Variants in ADGRG7 observed in about 807,000 individuals in gnomAD.
ADGRG7 encodes the protein adhesion G protein-coupled receptor G7, also known as G-protein coupled receptor 128.
Under a neutral mutation model 88.6 loss-of-function variants are expected in ADGRG7, and 82 were observed. The observed-to-expected ratio is 0.93, with a 90% CI of 0.77 to 1.11. The LOEUF is 1.11. Ranked by LOEUF, ADGRG7 falls within the 50% of genes most tolerant of loss-of-function variation. ADGRG7 has a pLI of 0.00. For missense variants in ADGRG7, 945 were observed against 953.4 expected (o/e 0.99, Z 0.12); for synonymous variants, 381 against 345.2 (o/e 1.10, Z -1.15).
Position 100,654,517 on chromosome 3 carries a change from G to A in ADGRG7, c.1380-318G>A, listed in dbSNP as rs190492547. On this transcript the variant is annotated intron_variant, in intron 11 of 15. Coordinates refer to ENST00000273352, the MANE Select transcript of ADGRG7 (RefSeq NM_032787.3). ...GGCCAGGTTACTGTGAAGGGACTACGCAGGGCTACCTACCAGGAAGTAGGG... is the reference window on the plus strand; with the variant it reads ...GGCCAGGTTACTGTGAAGGGACTACACAGGGCTACCTACCAGGAAGTAGGG... The A allele has an allele frequency of 5.8e-4, 134 of 231,886 alleles. 1 individual carries two copies. The highest frequency in any genetic ancestry group is 1.8e-3 in the Admixed American group (35 of 19,388). The allele number at this position is 231,886 out of a possible 1,614,324, so 14.4% of individuals were successfully genotyped here. A position where few individuals can be genotyped will look rare whatever the true frequency, so the allele number is the denominator to read the frequency against.
intron 15 of ADGRG7, among the ~76,000 whole-genome samples, chr3:100,684,389 A>C (rs143209336): frequency 0.037 from 5,689 of 151,776 alleles, 374 homozygotes; most frequent in African/African-American, 0.13. Flanking sequence ...TCAACCTCCC[A>C]AGTAACTGGG....
chr3:100,693,031 G>C (rs1351309651), intron 15 of ADGRG7, among the ~76,000 whole-genome samples: 2 of 152,142 alleles, frequency 1.3e-5, no homozygotes, highest in East Asian at 3.8e-4. Flanking sequence ...GGCACAATTT[G>C]AACTTTGTGT....
intron 15 of ADGRG7, among the ~76,000 whole-genome samples, chr3:100,692,881 A>G (rs911715295): frequency 6.6e-6 from 1 of 152,140 alleles, no homozygotes. Context: ...GAGACTCTTC[A>G]TTTTAAACAA....
At chr3:100,622,522 G>A (rs1158316564) in intron 1 of ADGRG7, among the ~76,000 whole-genome samples, 2 of 151,980 alleles carry the variant, frequency 1.3e-5, no homozygotes, top group African/African-American at 2.4e-5. Flanking sequence ...CTTTTCACTT[G>A]TTTATTGCCC....
At chr3:100,626,561 C>T (rs923698645) in intron 1 of ADGRG7, among the ~76,000 whole-genome samples, 4 of 151,992 alleles carry the variant, frequency 2.6e-5, no homozygotes, top group Non-Finnish European at 2.9e-5. Context: ...CCAAGGTGGG[C>T]GGATCGTGAG....
At chr3:100,629,457 AATG>A (rs1483747333) in intron 1 of ADGRG7, 138 bp from the exon 2 acceptor site, 1 of 566,304 alleles carries the variant, frequency 1.8e-6, no homozygotes, top group East Asian at 3.0e-5. Flanking sequence ...ATATTTTATT[AATG>A]ATGATATTAC....
At chr3:100,632,971 T>A (rs988804259) in intron 3 of ADGRG7, among the ~76,000 whole-genome samples, 9 of 152,180 alleles carry the variant, frequency 5.9e-5, no homozygotes, top group Admixed American at 3.3e-4. Flanking sequence ...ATTTTTCATA[T>A]TGTTTCTAGT....
chr3:100,634,553 T>G (rs553716002), intron 4 of ADGRG7, among the ~76,000 whole-genome samples: 9 of 152,290 alleles, frequency 5.9e-5, no homozygotes, highest in African/African-American at 2.2e-4. Context: ...TGTTCTTTAT[T>G]TTAAAGTTCA....
At chr3:100,632,410 T>G (rs943353479) in intron 3 of ADGRG7, among the ~76,000 whole-genome samples, 1 of 152,188 alleles carries the variant, frequency 6.6e-6, no homozygotes, top group African/African-American at 2.4e-5. Flanking sequence ...TTACTCAATA[T>G]TATATACCAA....
chr3:100,678,363 T>C (rs2094968423), intron 15 of ADGRG7, among the ~76,000 whole-genome samples: 1 of 152,198 alleles, frequency 6.6e-6, no homozygotes, highest in East Asian at 1.9e-4. Context: ...TTGTGCTTCC[T>C]CAAAATAGCT....
intron 2 of ADGRG7, 39 bp downstream of exon 2, chr3:100,629,750 G>A (rs371934429): frequency 1.1e-4 from 141 of 1,325,164 alleles, no homozygotes; most frequent in Non-Finnish European, 1.3e-4. Context: ...TAAGGTTTAC[G>A]TCACTCTTGT....
At chr3:100,627,660 C>T (rs189087674) in intron 1 of ADGRG7, among the ~76,000 whole-genome samples, 17 of 152,168 alleles carry the variant, frequency 1.1e-4, no homozygotes, top group Admixed American at 5.9e-4. Context: ...TTCTAATTTA[C>T]GAGTAAAACT....
intron 1 of ADGRG7, among the ~76,000 whole-genome samples, chr3:100,624,045 T>C (rs1465591492): frequency 6.6e-6 from 1 of 152,156 alleles, no homozygotes; most frequent in Non-Finnish European, 1.5e-5. Context: ...GAATGATGAG[T>C]ATATACCCAC....
At chr3:100,691,230 G>A (rs56413533) in intron 15 of ADGRG7, among the ~76,000 whole-genome samples, 6,553 of 152,282 alleles carry the variant, frequency 0.043, 197 homozygotes, top group South Asian at 0.076. Flanking sequence ...GTATTAGGGT[G>A]GGAGTGACCC....
At position 100,659,760 on chromosome 3, in the gene ADGRG7, A is replaced by G; in HGVS notation, c.1896A>G (p.Val632=). ...TGTTGTGGTCATTCATCGTACCTGT[A>G]ACCATTATCCTCATCAGCAATGTTG... The part of the protein sequence containing the change: ...SPLLWSFIVP[V]TIILISNVVM... Residue 632 remains valine, a synonymous_variant, in exon 14 of 16, where the codon GTA becomes GTG. Coordinates refer to ENST00000273352, the MANE Select transcript of ADGRG7 (RefSeq NM_032787.3). 1 of 1,614,036 alleles carries G rather than the reference A, an allele frequency of 6.2e-7. No individual in the cohort carries two copies. Among genetic ancestry groups the G allele is most frequent in the Non-Finnish European group, 8.5e-7 (1 of 1,179,944 alleles).
At chr3:100,685,636 G>A (rs1221421575) in intron 15 of ADGRG7, among the ~76,000 whole-genome samples, 1 of 151,916 alleles carries the variant, frequency 6.6e-6, no homozygotes, top group Admixed American at 6.6e-5. Context: ...TTGGTTTTTT[G>A]TCCTTGCGAT....
chr3:100,622,015 G>T (rs1233691153), intron 1 of ADGRG7, among the ~76,000 whole-genome samples: 4 of 152,182 alleles, frequency 2.6e-5, no homozygotes, highest in African/African-American at 7.2e-5. Flanking sequence ...TGCATGCATA[G>T]TTCATGTTAC....
intron 15 of ADGRG7, among the ~76,000 whole-genome samples, chr3:100,670,901 T>C (rs1464427834): frequency 2.0e-5 from 3 of 152,252 alleles, no homozygotes; most frequent in African/African-American, 7.2e-5. Flanking sequence ...TCATCCTTTT[T>C]ATGGCTGCAT....
chr3:100,658,923 CT>C (rs1437040319), intron 13 of ADGRG7, among the ~76,000 whole-genome samples: 4 of 152,010 alleles, frequency 2.6e-5, no homozygotes, highest in African/African-American at 2.4e-5. Flanking sequence ...ATAATATGTA[CT>C]CTCTAAATAT....
Sources: allele counts gnomAD v4.1 joint callset (sites outside exome capture counted in the v4.1 genomes callset), GRCh38; gene constraint gnomAD v4.1.1; transcripts MANE v1.5; gene names NCBI Gene and HGNC (gene_info 2026-07-23, HGNC 2026-07-21).